The following OSBPL3 variants were observed in gnomAD, a reference collection of about 807,000 sequenced individuals.
OSBPL3 encodes the protein oxysterol-binding protein-related protein 3.
Under a neutral mutation model 120.1 loss-of-function variants are expected in OSBPL3, and 65 were observed. That is an observed-to-expected ratio of 0.54 (90% CI 0.44 to 0.67). The LOEUF (loss-of-function observed/expected upper bound fraction) is 0.67, where lower values mean the gene tolerates loss of function less well. OSBPL3 is among the 30% of genes least tolerant of loss of function. OSBPL3 has a pLI of 0.00. For synonymous variants in OSBPL3, 416 were observed against 402.6 expected, an observed-to-expected ratio of 1.03 and a Z score of -0.40; for missense variants, 1,004 against 1,082.1, an observed-to-expected ratio of 0.93 and a Z score of 1.01.
chr7:24,961,011 T>G (rs1351056886), intron 1 of OSBPL3, among the ~76,000 whole-genome samples: 1 of 152,186 alleles, frequency 6.6e-6, no homozygotes, highest in Non-Finnish European at 1.5e-5. Context: ...ATAATTAAAC[T>G]TCGAAATAAT....
At chr7:24,927,697 C>T (rs560747252) in intron 1 of OSBPL3, among the ~76,000 whole-genome samples, 1 of 152,156 alleles carries the variant, frequency 6.6e-6, no homozygotes, top group African/African-American at 2.4e-5. Context: ...GGCATAATAA[C>T]AGAAGGTTTA....
intron 1 of OSBPL3, among the ~76,000 whole-genome samples, chr7:24,960,943 T>C (rs576155286): frequency 6.6e-6 from 1 of 152,306 alleles, no homozygotes; most frequent in South Asian, 2.1e-4. Flanking sequence ...GTGGTTCTAA[T>C]AAGCAGTGAA....
In OSBPL3 at chr7:24,863,101, C is replaced by A; in HGVS notation, c.870+99G>T. 2.5e-6 allele frequency: 2 copies of A among 797,828 alleles called. No homozygotes were observed. The highest frequency in any genetic ancestry group is 1.8e-5 in the Admixed American group (1 of 54,156). 49.4% of individuals were successfully genotyped at this position (797,828 alleles called of 1,614,324 possible). On this transcript the variant is annotated intron_variant, in intron 9 of 22. Transcript: ENST00000313367. This position sits in a 1 kb window ranked among gnomAD's most constrained non-coding sequence, Gnocchi z 5.8. ...GGAAAGAACAACTACAGAATATTCA[C>A]TCATCTATTCTCCTAGCTGAGTCAA...
At chr7:24,876,581 TG>T (rs1802881507) in intron 2 of OSBPL3, among the ~76,000 whole-genome samples, 1 of 152,174 alleles carries the variant, frequency 6.6e-6, no homozygotes, top group Non-Finnish European at 1.5e-5. Flanking sequence ...TATTCATTGT[TG>T]GGGTCTCAAA....
At chr7:24,921,983 T>A (rs1810438886) in intron 1 of OSBPL3, among the ~76,000 whole-genome samples, 1 of 152,216 alleles carries the variant, frequency 6.6e-6, no homozygotes, top group South Asian at 2.1e-4. Context: ...CAATACAGAT[T>A]CAATTTTTCA....
At chr7:24,810,193 A>G (rs2128115339) in intron 19 of OSBPL3, 2 of 456,744 alleles carry the variant, frequency 4.4e-6, no homozygotes, top group East Asian at 4.1e-5. Flanking sequence ...GCTGATTAAC[A>G]TATGTATTAC....
intron 16 of OSBPL3, among the ~76,000 whole-genome samples, chr7:24,828,776 T>TA (rs35580280): frequency 0.11 from 17,196 of 151,450 alleles, 1,326 homozygotes; most frequent in East Asian, 0.27. Flanking sequence ...TTTTTTTTTT[T>TA]AAAAAGGAAG....
In OSBPL3 at chr7:24,818,385, A is replaced by C. The variant is rs756657702; in HGVS notation, c.1949-1697T>G. Among the ~76,000 whole-genome samples, 14 of 152,232 alleles carry C rather than the reference A, an allele frequency of 9.2e-5. No individual in the cohort carries two copies. The highest frequency in any genetic ancestry group is 1.9e-4 in the Non-Finnish European group (13 of 68,038). On this transcript the variant is annotated intron_variant, in intron 17 of 22. Coordinates refer to ENST00000313367, the MANE Select transcript of OSBPL3 (RefSeq NM_015550.4). The surrounding 1 kb of genome is among the most constrained non-coding windows in gnomAD (Gnocchi z 4.0). The stretch of plus-strand genomic sequence containing the variant: ...ATAGATGGCTGTTTAAAGCTAAAGT[A>C]TTAACAATGTACTACATGGTTTATG...
At chr7:24,837,474 G>A (rs1797152180) in intron 14 of OSBPL3, among the ~76,000 whole-genome samples, 1 of 152,170 alleles carries the variant, frequency 6.6e-6, no homozygotes, top group South Asian at 2.1e-4. Flanking sequence ...AAAGTGTTGG[G>A]ATTATAGGTG....
chr7:24,800,431 A>G, intron 22 of OSBPL3, 152 bp from the exon 23 acceptor site: 1 of 409,708 alleles, frequency 2.4e-6, no homozygotes, highest in Non-Finnish European at 4.5e-6. Flanking sequence ...TGGGAATTAG[A>G]TGTCCAGAAA....
intron 1 of OSBPL3, among the ~76,000 whole-genome samples, chr7:24,970,438 GC>G (rs1816880121): frequency 6.6e-6 from 1 of 152,074 alleles, no homozygotes; most frequent in Non-Finnish European, 1.5e-5. Flanking sequence ...AATCCCATGT[GC>G]CCTTCAAGAT....
At chr7:24,845,410 A>G (rs1467513874) in intron 12 of OSBPL3, among the ~76,000 whole-genome samples, 3 of 147,984 alleles carry the variant, frequency 2.0e-5, no homozygotes, top group Admixed American at 6.7e-5. Flanking sequence ...AAAAAAAAAA[A>G]AAAAGAAAAC....
At chr7:24,901,915 C>T (rs892214103) in intron 1 of OSBPL3, among the ~76,000 whole-genome samples, 1 of 152,226 alleles carries the variant, frequency 6.6e-6, no homozygotes, top group African/African-American at 2.4e-5. Flanking sequence ...GAGATAATTG[C>T]TGCCAATAAA....
chr7:24,841,129 G>C (rs1380593081), intron 13 of OSBPL3, among the ~76,000 whole-genome samples: 1 of 152,068 alleles, frequency 6.6e-6, no homozygotes, highest in Non-Finnish European at 1.5e-5. Context: ...TGTGTAAAAA[G>C]TATCTTCTAT....
At chr7:24,944,355 G>A (rs904479251) in intron 1 of OSBPL3, among the ~76,000 whole-genome samples, 12 of 151,740 alleles carry the variant, frequency 7.9e-5, no homozygotes, top group Non-Finnish European at 1.5e-4. Context: ...GTGGCCGGGC[G>A]CGGTGGCTCA....
intron 2 of OSBPL3, among the ~76,000 whole-genome samples, chr7:24,892,047 TC>T (rs1274404010): frequency 6.6e-6 from 1 of 152,208 alleles, no homozygotes; most frequent in Non-Finnish European, 1.5e-5. Flanking sequence ...CTTTCTTTGC[TC>T]CTTATTAGCT....
In OSBPL3 at chr7:24,872,185, T is replaced by C. The variant is rs559536248; in HGVS notation, c.97-116A>G. ...AAGATGGGGAGGCTGGCTGGGTTTG[T>C]TGGGGAGAAGAAATCCAAATTTAAT... On this transcript the variant is annotated intron_variant, in intron 2 of 22. Transcript: ENST00000313367. This position sits in a 1 kb window ranked among gnomAD's most constrained non-coding sequence, Gnocchi z 4.1. 10 of 734,810 alleles carry C rather than the reference T, an allele frequency of 1.4e-5. No individual in the cohort carries two copies. The highest frequency in any genetic ancestry group is 7.7e-5 in the East Asian group (3 of 38,960). The allele number at this position is 734,810 out of a possible 1,614,324, so 45.5% of individuals were successfully genotyped here. A position where few individuals can be genotyped will look rare whatever the true frequency, so the allele number is the denominator to read the frequency against.
chr7:24,873,202 G>A lies in OSBPL3; in HGVS notation c.97-1133C>T, dbSNP rs763791953. 1.3e-5 allele frequency among the ~76,000 whole-genome samples: 2 copies of A among 152,160 alleles called. No homozygotes were observed. Among genetic ancestry groups the A allele is most frequent in the Non-Finnish European group, 2.9e-5 (2 of 68,018 alleles). ...GGTACAGGCAGAAGCCAAGGGCACT[G>A]GGAGATGGACAGTGAGTCTGAACCA... On this transcript the variant is annotated intron_variant, in intron 2 of 22. Coordinates refer to ENST00000313367, the MANE Select transcript of OSBPL3 (RefSeq NM_015550.4). This position sits in a 1 kb window ranked among gnomAD's most constrained non-coding sequence, Gnocchi z 4.1.
At position 24,871,748 on chromosome 7, in the gene OSBPL3, T is replaced by G; in HGVS notation, c.261A>C (p.Gln87His). Residue 87 changes from glutamine (Q) to histidine (H), a missense_variant, in exon 4 of 23, where the codon CAA (glutamine) becomes CAC (histidine). Around this residue, in one of 4 missense-constraint regions of OSBPL3, gnomAD observed 255 missense variants for 248.7 expected, o/e 1.03. Coordinates refer to ENST00000313367, the MANE Select transcript of OSBPL3 (RefSeq NM_015550.4). The surrounding 1 kb of genome is among the most constrained non-coding windows in gnomAD (Gnocchi z 4.8). ...DKGILKYAKSQTDIEREKLHG... is the reference protein window; with the variant it reads ...DKGILKYAKSHTDIEREKLHG... ...GGCCCACAAAAAGACTTACATCGGT[T>G]TGGCTCTTGGCATATTTCAAGATTC... 2.5e-6 allele frequency: 4 copies of G among 1,612,566 alleles called. No individual in the cohort carries two copies. The highest frequency in any genetic ancestry group is 2.5e-6 in the Non-Finnish European group (3 of 1,178,606).
Sources: allele counts gnomAD v4.1 joint callset (sites outside exome capture counted in the v4.1 genomes callset), GRCh38; gene constraint gnomAD v4.1.1; regional missense constraint gnomAD v4.1.1; non-coding constraint Gnocchi (gnomAD v3.1); transcripts MANE v1.5; gene names NCBI Gene and HGNC (gene_info 2026-07-23, HGNC 2026-07-21).